The following CDYL variants were observed in gnomAD, a reference collection of about 807,000 sequenced individuals.
The protein encoded by CDYL is chromodomain Y-like protein.
CDYL carries 8 observed loss-of-function variants against 47.3 expected under a neutral mutation model. The observed-to-expected ratio is 0.17, with a 90% confidence interval of 0.10 to 0.31. CDYL has a LOEUF of 0.31. Ranked by LOEUF, CDYL falls within the 10% of genes least tolerant of loss-of-function variation. CDYL has a pLI of 1.00. For missense variants in CDYL, 471 were observed against 701.4 expected, an observed-to-expected ratio of 0.67 and a Z score of 3.71; for synonymous variants, 266 against 265.0, an observed-to-expected ratio of 1.00 and a Z score of -0.04.
intron 2 of CDYL, among the ~76,000 whole-genome samples, chr6:4,924,227 T>A (rs974739721): frequency 2.6e-5 from 4 of 152,242 alleles, no homozygotes; most frequent in African/African-American, 9.6e-5. Context: ...CTTTTGGCAC[T>A]TAATTTTTTG....
At chr6:4,917,040 G>C (rs1279210474) in intron 2 of CDYL, among the ~76,000 whole-genome samples, 1 of 152,120 alleles carries the variant, frequency 6.6e-6, no homozygotes, top group African/African-American at 2.4e-5. Context: ...TGTATACAGG[G>C]GCAATGCTAG....
At chr6:4,836,296 A>G (rs1030767718) in intron 1 of CDYL, 14 of 982,600 alleles carry the variant, frequency 1.4e-5, no homozygotes, top group Non-Finnish European at 1.7e-5. Flanking sequence ...AAAAAGTTGC[A>G]TAGAACCAAA....
chr6:4,805,605 C>T (rs1435471134), intron 1 of CDYL, among the ~76,000 whole-genome samples: 2 of 152,102 alleles, frequency 1.3e-5, no homozygotes, highest in East Asian at 1.9e-4. Flanking sequence ...AGCCCAAACC[C>T]GAAGTCCTGA....
intron 1 of CDYL, among the ~76,000 whole-genome samples, chr6:4,835,706 C>T (rs935395585): frequency 6.6e-6 from 1 of 152,230 alleles, no homozygotes; most frequent in African/African-American, 2.4e-5. Context: ...GCAGGCAATC[C>T]TCCTTGAGCT....
At position 4,892,389 on chromosome 6, in the gene CDYL, T is replaced by C; in HGVS notation, c.691+10T>C. The C allele has an allele frequency of 1.3e-6, 2 of 1,592,386 alleles. No homozygotes were observed. The highest frequency in any genetic ancestry group is 1.7e-6 in the Non-Finnish European group (2 of 1,168,270). Reference sequence around the variant, plus strand: ...GCTGTTAACGGGAAAGGTGAGTGTCTAGGGAGCTGCTCAGGCTCCGTGGTG... The same window carrying C: ...GCTGTTAACGGGAAAGGTGAGTGTCCAGGGAGCTGCTCAGGCTCCGTGGTG... On this transcript the variant is annotated intron_variant, in intron 2 of 6. Transcript: ENST00000397588.
intron 1 of CDYL, among the ~76,000 whole-genome samples, chr6:4,779,328 A>T (rs1005054235): frequency 6.6e-6 from 1 of 152,274 alleles, no homozygotes. Flanking sequence ...AGAGGGATAT[A>T]TTGACAGGAG....
At position 4,776,677 on chromosome 6, in the gene CDYL, G is replaced by A; in HGVS notation, c.-107G>A. The A allele has an allele frequency of 2.0e-6, 2 of 1,019,988 alleles. No homozygotes were observed. The highest frequency in any genetic ancestry group is 2.6e-6 in the Non-Finnish European group (2 of 778,198). 63.2% of individuals were successfully genotyped at this position (1,019,988 alleles called of 1,614,324 possible). ...GCCCAGCGCCCGGCCGGCCGCGGGA[G>A]CAGGAAGCGCAGGCCACGCAGGACC... On this transcript the variant is annotated 5_prime_UTR_variant, in exon 1 of 7. Transcript: ENST00000397588.
At chr6:4,713,589 CTTTTTT>C (rs11375423) in intron 1 of CDYL, among the ~76,000 whole-genome samples, 28 of 113,650 alleles carry the variant, frequency 2.5e-4, no homozygotes, top group Admixed American at 1.2e-3. Flanking sequence ...CATTTAGATT[CTTTTTT>C]TTTTTTTTTG....
rs114881624 is a variant in CDYL at position 4,921,732 on chromosome 6, A to G, written c.692-13783A>G. 7.9e-3 allele frequency among the ~76,000 whole-genome samples: 1,205 copies of G among 152,018 alleles called. 16 individuals are homozygous for G. The highest frequency in any genetic ancestry group is 0.028 in the African/African-American group (1,160 of 41,466). ...GGTAAACCTTCATCATCCCCTGAGT[A>G]TGTAGTGTATTTGGCCACCTCCGTT... On this transcript the variant is annotated intron_variant, in intron 2 of 6. Transcript: ENST00000397588.
chr6:4,851,251 G>A (rs542155163), intron 1 of CDYL, among the ~76,000 whole-genome samples: 2 of 152,334 alleles, frequency 1.3e-5, no homozygotes, highest in South Asian at 2.1e-4. Flanking sequence ...GGACGTAACA[G>A]CAGGGTGGTG....
At chr6:4,815,968 AT>A (rs1759663188) in intron 1 of CDYL, among the ~76,000 whole-genome samples, 1 of 100,712 alleles carries the variant, frequency 9.9e-6, no homozygotes, top group Admixed American at 1.5e-4. Flanking sequence ...GAGTATTTTT[AT>A]AGGTTTTTTT....
At chr6:4,830,091 CCT>C (rs1358966465) in intron 1 of CDYL, among the ~76,000 whole-genome samples, 1 of 151,976 alleles carries the variant, frequency 6.6e-6, no homozygotes, top group African/African-American at 2.4e-5. Flanking sequence ...CAAGTCTGCC[CCT>C]GTCTGTACAT....
Position 4,778,975 on chromosome 6 carries a change from G to C in CDYL, c.24+2168G>C, listed in dbSNP as rs113417206. On this transcript the variant is annotated intron_variant, in intron 1 of 6. Coordinates refer to ENST00000397588, the MANE Select transcript of CDYL (RefSeq NM_004824.4). Reference sequence around the variant, plus strand: ...TTGGGATCAGTGTTTCCCTTATAGAGCTATGAAGTTTACATGAGAACATAT... The same window carrying C: ...TTGGGATCAGTGTTTCCCTTATAGACCTATGAAGTTTACATGAGAACATAT... 9.3e-3 allele frequency among the ~76,000 whole-genome samples: 1,416 copies of C among 152,258 alleles called. 24 individuals carry two copies. The highest frequency in any genetic ancestry group is 0.032 in the African/African-American group (1,348 of 41,538).
chr6:4,937,844 T>A, intron 4 of CDYL, 107 bp downstream of exon 4: 1 of 810,392 alleles, frequency 1.2e-6, no homozygotes, highest in Non-Finnish European at 1.9e-6. Context: ...ATACACATCT[T>A]CTCCCATGGA....
intron 3 of CDYL, among the ~76,000 whole-genome samples, chr6:4,747,240 G>C (rs1251745878): frequency 6.7e-6 from 1 of 149,460 alleles, no homozygotes; most frequent in East Asian, 2.0e-4. Context: ...CTGGGAGGCA[G>C]AGGTTGCAGT....
intron 1 of CDYL, among the ~76,000 whole-genome samples, chr6:4,824,731 A>AT (rs142967434): frequency 0.077 from 11,614 of 150,742 alleles, 589 homozygotes; most frequent in Non-Finnish European, 0.12. Flanking sequence ...CAGTTTACCT[A>AT]TTTTTTTTTC....
chr6:4,939,582 T>G (rs967147705), intron 4 of CDYL, among the ~76,000 whole-genome samples: 1 of 152,194 alleles, frequency 6.6e-6, no homozygotes, highest in African/African-American at 2.4e-5. Flanking sequence ...GGTTTGAAAT[T>G]TTATAGTCTG....
intron 2 of CDYL, among the ~76,000 whole-genome samples, chr6:4,922,877 A>G (rs1324336239): frequency 2.6e-5 from 4 of 152,152 alleles, no homozygotes; most frequent in African/African-American, 9.7e-5. Context: ...ATCACACACC[A>G]CGGGGCCTGA....
At chr6:4,776,130 T>TG (rs1360267449), upstream of CDYL, among the ~76,000 whole-genome samples, 1 of 148,418 alleles carries the variant, frequency 6.7e-6, no homozygotes, top group Non-Finnish European at 1.5e-5. Context: ...CAAGCGGGAC[T>TG]GGGGAAGTCG....
Sources: allele counts gnomAD v4.1 joint callset (sites outside exome capture counted in the v4.1 genomes callset), GRCh38; gene constraint gnomAD v4.1.1; transcripts MANE v1.5; gene names NCBI Gene and HGNC (gene_info 2026-07-23, HGNC 2026-07-21).